COX7A2L: variants seen among roughly 807,000 people sequenced by gnomAD.
COX7A2L encodes cytochrome c oxidase subunit 7A2 like.
COX7A2L carries 18 observed loss-of-function variants against 14.2 expected under a neutral mutation model. The observed-to-expected ratio is 1.27, with a 90% CI of 0.88 to 1.88. COX7A2L has a LOEUF of 1.88. COX7A2L is among the 40% of genes most tolerant of loss of function. The pLI, the probability that COX7A2L is intolerant of heterozygous loss-of-function variation, is 0.00. For synonymous variants in COX7A2L, 65 were observed against 57.4 expected, an observed-to-expected ratio of 1.13 and a Z score of -0.60; for missense variants, 179 against 138.8, an observed-to-expected ratio of 1.29 and a Z score of -1.46.
At chr2:42,360,328 C>G (rs1179141339) in intron 1 of COX7A2L, among the ~76,000 whole-genome samples, 1 of 152,114 alleles carries the variant, frequency 6.6e-6, no homozygotes, top group African/African-American at 2.4e-5. Context: ...AAACTGAGCT[C>G]ACAATAAATT....
Position 42,341,807 on chromosome 2 carries a change from A to G in COX7A2L, c.193-7938T>C, listed in dbSNP as rs778046048. Among the ~76,000 whole-genome samples, 23 of 152,212 alleles carry G rather than the reference A, an allele frequency of 1.5e-4. 1 individual carries two copies. Among genetic ancestry groups the G allele is most frequent in the Non-Finnish European group, 4.4e-5 (3 of 68,030 alleles). On this transcript the variant is annotated intron_variant, in intron 2 of 2. Transcript: ENST00000468711. ...GGAATTCATGTTTTGGAGATGCTGA[A>G]TGCAACACAGATTTGGCCTGAAACA... is the stretch of plus-strand genomic sequence containing the variant.
chr2:42,361,948 C>G (rs1442500090), upstream of COX7A2L: 4 of 152,192 alleles, frequency 2.6e-5, no homozygotes, highest in Non-Finnish European at 5.9e-5. Flanking sequence ...TAAAAGTAGC[C>G]TCCTGGGCTT....
chr2:42,362,331 T>C (rs1236859818), upstream of COX7A2L, among the ~76,000 whole-genome samples: 1 of 152,252 alleles, frequency 6.6e-6, no homozygotes, highest in Non-Finnish European at 1.5e-5. Context: ...CATCTAACCA[T>C]AGGTTTACAC....
At chr2:42,367,063 A>G (rs1431986240) in intron 1 of COX7A2L, among the ~76,000 whole-genome samples, 1 of 152,230 alleles carries the variant, frequency 6.6e-6, no homozygotes, top group African/African-American at 2.4e-5. Flanking sequence ...CCAAGTGCCA[A>G]ATACATAATT....
intron 2 of COX7A2L, among the ~76,000 whole-genome samples, chr2:42,352,707 T>C (rs555473755): frequency 1.3e-5 from 2 of 152,308 alleles, no homozygotes; most frequent in East Asian, 3.9e-4. Context: ...AATTTGCAGG[T>C]AGATTCACTT....
In COX7A2L at chr2:42,361,182, C is replaced by A. The variant is rs1375155238; in HGVS notation, c.-21G>T. On this transcript the variant is annotated 5_prime_UTR_variant, in exon 1 of 3. Transcript: ENST00000234301. ...TACATGACGCCCAGAGTCCGGCTTC[C>A]CGCATCCGCTGCCAACGCGACCGCC... is the stretch of plus-strand genomic sequence containing the variant. 2 of 1,593,418 alleles carry A rather than the reference C, an allele frequency of 1.3e-6. No individual in the cohort carries two copies. The highest frequency in any genetic ancestry group is 1.7e-6 in the Non-Finnish European group (2 of 1,167,970).
chr2:42,338,375 ACT>A lies in COX7A2L; in HGVS notation c.193-4508_193-4507del, dbSNP rs1670329410. 3.3e-5 allele frequency among the ~76,000 whole-genome samples: 5 copies of A among 151,536 alleles called. No individual in the cohort carries two copies. The South Asian group carries it at 1.0e-3, about 32-fold the overall frequency. On this transcript the variant is annotated intron_variant, in intron 2 of 2. Coordinates refer to the COX7A2L transcript ENST00000468711. The surrounding 1 kb of genome is among the most constrained non-coding windows in gnomAD (Gnocchi z 4.4). The stretch of plus-strand genomic sequence containing the variant: ...AAATGGAAAGGAAGAGCAGAATTTC[ACT>A]CTCTAGCAGAGCCCTCCCAAGACTG...
At chr2:42,340,753 C>T (rs901439694) in intron 2 of COX7A2L, among the ~76,000 whole-genome samples, 2 of 152,104 alleles carry the variant, frequency 1.3e-5, no homozygotes, top group African/African-American at 2.4e-5. Flanking sequence ...CTCACCTTCC[C>T]GGGGCCTGGC....
intron 2 of COX7A2L, among the ~76,000 whole-genome samples, chr2:42,341,008 G>A (rs1670394495): frequency 1.3e-5 from 2 of 150,714 alleles, no homozygotes; most frequent in Admixed American, 6.6e-5. Flanking sequence ...AGGGCCTCAA[G>A]TGCCCCAGCC....
At chr2:42,345,451 T>A (rs1182999148), downstream of COX7A2L, among the ~76,000 whole-genome samples, 1 of 151,876 alleles carries the variant, frequency 6.6e-6, no homozygotes, top group Non-Finnish European at 1.5e-5. Flanking sequence ...CTCCTTCAAT[T>A]TTGTTAAAAA....
chr2:42,353,396 T>C, intron 1 of COX7A2L, 53 bp from the exon 2 acceptor site: 1 of 1,600,746 alleles, frequency 6.2e-7, no homozygotes, highest in Non-Finnish European at 8.5e-7. Context: ...GAGGAGGCTG[T>C]CTGGAATAGT....
Position 42,339,860 on chromosome 2 carries a change from A to G in COX7A2L, c.193-5991T>C, listed in dbSNP as rs1042427120. 2.0e-5 allele frequency among the ~76,000 whole-genome samples: 3 copies of G among 152,088 alleles called. No homozygotes were observed. Among genetic ancestry groups the G allele is most frequent in the Non-Finnish European group, 4.4e-5 (3 of 68,012 alleles). On this transcript the variant is annotated intron_variant, in intron 2 of 2. Transcript: ENST00000468711. This position sits in a 1 kb window ranked among gnomAD's most constrained non-coding sequence, Gnocchi z 5.4. ...TAGCTTTTACATGAATGGAACCCCA[A>G]GTGTGCTCTCTGTCGTGTCCACCTT...
At chr2:42,340,035 A>G (rs186106712) in intron 2 of COX7A2L, among the ~76,000 whole-genome samples, 63 of 152,192 alleles carry the variant, frequency 4.1e-4, no homozygotes, top group Non-Finnish European at 2.8e-4. Flanking sequence ...CCACCTGTAT[A>G]TTCGGTCTCG....
chr2:42,337,531 G>A (rs372127474), intron 2 of COX7A2L, among the ~76,000 whole-genome samples: 1 of 142,724 alleles, frequency 7.0e-6, no homozygotes, highest in East Asian at 2.1e-4. Flanking sequence ...GTAGGATGGC[G>A]GCCACCATGA....
At chr2:42,353,371 G>A (rs767923212) in intron 1 of COX7A2L, 28 bp from the exon 2 acceptor site, 8 of 1,611,394 alleles carry the variant, frequency 5.0e-6, no homozygotes, top group African/African-American at 2.7e-5. Context: ...AAAATGGCAA[G>A]TTGAAAGTAT....
At position 42,349,384 on chromosome 2, in the gene COX7A2L, G is replaced by A. The variant is rs1226167336; in HGVS notation, c.*1835C>T. The A allele has an allele frequency of 6.6e-6, 1 of 152,164 alleles. No homozygotes were observed. The highest frequency in any genetic ancestry group is 1.5e-5 in the Non-Finnish European group (1 of 68,036). The allele number at this position is 152,164 out of a possible 1,614,324, so 9.4% of individuals were successfully genotyped here. ...TGATTATATTTATATGAAATGTCCA[G>A]GAAAGACAAATCCATAGAGACTGAA... On this transcript the variant is annotated 3_prime_UTR_variant, in exon 3 of 3. Transcript: ENST00000234301.
In COX7A2L at chr2:42,349,583, T is replaced by C. The variant is rs1357375112; in HGVS notation, c.*1636A>G. On this transcript the variant is annotated 3_prime_UTR_variant, in exon 3 of 3. Coordinates refer to ENST00000234301, the MANE Select transcript of COX7A2L (RefSeq NM_004718.4). ...CAGTAAAAACCAATGAATTGTACAC[T>C]TGAGGTGAACTGTACAGTATGTAAA... 6 of 152,324 alleles carry C rather than the reference T, an allele frequency of 3.9e-5. 1 individual carries two copies. The highest frequency in any genetic ancestry group is 3.3e-4 in the Admixed American group (5 of 15,292). The allele number at this position is 152,324 out of a possible 1,614,324, so 9.4% of individuals were successfully genotyped here. A position where few individuals can be genotyped will look rare whatever the true frequency, so the allele number is the denominator to read the frequency against.
At chr2:42,352,117 TCACACTGTTAAACC>T (rs531457685) in intron 2 of COX7A2L, among the ~76,000 whole-genome samples, 59 of 152,328 alleles carry the variant, frequency 3.9e-4, no homozygotes, top group African/African-American at 1.4e-3. Flanking sequence ...CTTCTTTCCG[TCACACTGTTAAACC>T]CATTTAATAA....
intron 1 of COX7A2L, among the ~76,000 whole-genome samples, chr2:42,368,419 C>G (rs1558639982): frequency 6.6e-6 from 1 of 152,186 alleles, no homozygotes; most frequent in Non-Finnish European, 1.5e-5. Context: ...ATGAATAACA[C>G]AGGTAACAGT....
Sources: gnomAD v4.1 joint callset for allele counts (sites outside exome capture counted in the v4.1 genomes callset) on GRCh38, gnomAD v4.1.1 for gene constraint, Gnocchi (gnomAD v3.1) non-coding constraint, MANE v1.5 for transcripts, NCBI Gene and HGNC (gene_info 2026-07-23, HGNC 2026-07-21) for gene names.